HS6ST2: variants seen among roughly 807,000 people sequenced by gnomAD.
The protein encoded by HS6ST2 is heparan-sulfate 6-O-sulfotransferase 2.
Under a neutral mutation model 33.0 loss-of-function variants are expected in HS6ST2, and 17 were observed. That is an observed-to-expected ratio of 0.52 (90% CI 0.35 to 0.77). The LOEUF (loss-of-function observed/expected upper bound fraction) is 0.77. Among genes scored for constraint, HS6ST2 ranks in the 30% least tolerant of loss-of-function variants. The pLI is 0.01. For synonymous variants in HS6ST2, 248 were observed against 237.1 expected, an observed-to-expected ratio of 1.05 and a Z score of -0.42; for missense variants, 519 against 551.7, an observed-to-expected ratio of 0.94 and a Z score of 0.59.
chrX:132,820,942 C>T (rs1377361702), intron 2 of HS6ST2, among the ~76,000 whole-genome samples: 1 of 110,167 alleles, frequency 9.1e-6, no homozygotes, highest in Non-Finnish European at 1.9e-5. Context: ...CATTCAGTGT[C>T]ACCGCAAGGA....
At chrX:132,819,281 G>A (rs141862100) in intron 2 of HS6ST2, among the ~76,000 whole-genome samples, 2 of 111,474 alleles carry the variant, frequency 1.8e-5, no homozygotes, top group East Asian at 5.7e-4. Context: ...CCAATTGGAG[G>A]TATGGCATTT....
At chrX:132,949,858 G>A (rs768359558) in intron 2 of HS6ST2, among the ~76,000 whole-genome samples, 4 of 109,912 alleles carry the variant, frequency 3.6e-5, no homozygotes, top group South Asian at 4.0e-4. Flanking sequence ...GATTTCTCTC[G>A]CTCGCTCGCT....
At chrX:132,870,903 A>C (rs924270132) in intron 2 of HS6ST2, among the ~76,000 whole-genome samples, 1 of 111,883 alleles carries the variant, frequency 8.9e-6, no homozygotes, top group Non-Finnish European at 1.9e-5. Context: ...ACAAAAGCCA[A>C]AATGGACAAA....
intron 2 of HS6ST2, among the ~76,000 whole-genome samples, chrX:132,812,411 T>TAATAACAAC (rs776005215): frequency 1.4e-5 from 1 of 72,143 alleles, no homozygotes; most frequent in Non-Finnish European, 2.8e-5. Flanking sequence ...TCTCAAATAA[T>TAATAACAAC]AATAATAATA....
chrX:132,733,689 G>T (rs1298901977), intron 2 of HS6ST2, among the ~76,000 whole-genome samples: 1 of 111,250 alleles, frequency 9.0e-6, no homozygotes, highest in Non-Finnish European at 1.9e-5. Context: ...ATATTAGAAA[G>T]ATAAGATTTA....
chrX:132,676,873 A>G lies in HS6ST2; in HGVS notation c.981-7674T>C, dbSNP rs918198104. Among the ~76,000 whole-genome samples the G allele has an allele frequency of 1.6e-4, 18 of 112,231 alleles. 1 individual carries two copies. The highest frequency in any genetic ancestry group is 1.3e-4 in the Non-Finnish European group (7 of 53,280). ...CTCTACTTTCCAAACATCAAAATTC[A>G]AATCTGCTGGATAAAGTGCCCCGCT... On this transcript the variant is annotated intron_variant, in intron 3 of 4. Transcript: ENST00000370833.
At chrX:132,747,362 G>A (rs1456332171) in intron 2 of HS6ST2, among the ~76,000 whole-genome samples, 5 of 111,868 alleles carry the variant, frequency 4.5e-5, no homozygotes, top group African/African-American at 1.3e-4. Flanking sequence ...AGGAAAGCTC[G>A]CTGGAAGGGA....
chrX:132,960,726 G>A (rs971572272), upstream of HS6ST2, among the ~76,000 whole-genome samples: 1 of 111,749 alleles, frequency 8.9e-6, no homozygotes, highest in Non-Finnish European at 1.9e-5. Context: ...TTCAGTTTCT[G>A]AGATATAATA....
chrX:132,712,673 C>T (rs769456122), intron 2 of HS6ST2, among the ~76,000 whole-genome samples: 3 of 112,118 alleles, frequency 2.7e-5, no homozygotes, highest in Non-Finnish European at 1.9e-5. Flanking sequence ...CTTTCACTTA[C>T]CAACTGCATG....
chrX:132,718,904 G>C (rs764539964), intron 2 of HS6ST2, among the ~76,000 whole-genome samples: 1 of 110,875 alleles, frequency 9.0e-6, no homozygotes, highest in Non-Finnish European at 1.9e-5. Context: ...GCAGTGGGGG[G>C]TGAGGTGCTC....
intron 3 of HS6ST2, among the ~76,000 whole-genome samples, chrX:132,674,767 A>G (rs1430194035): frequency 8.9e-6 from 1 of 112,280 alleles, no homozygotes; most frequent in Non-Finnish European, 1.9e-5. Context: ...ATAGAACGGT[A>G]TCTAACAATT....
At chrX:132,733,611 T>C (rs2064479154) in intron 2 of HS6ST2, among the ~76,000 whole-genome samples, 1 of 111,432 alleles carries the variant, frequency 9.0e-6, no homozygotes, top group South Asian at 3.8e-4. Flanking sequence ...CTACTTCAAT[T>C]TGAATTCCTT....
At chrX:132,708,541 A>G (rs2064205216) in intron 2 of HS6ST2, 47 bp from the exon 3 acceptor site, 4 of 1,072,610 alleles carry the variant, frequency 3.7e-6, no homozygotes, top group Non-Finnish European at 5.1e-6. Context: ...GCTTGGTAGG[A>G]GAGGAGATAA....
At chrX:132,865,253 T>C (rs994130636) in intron 2 of HS6ST2, among the ~76,000 whole-genome samples, 3 of 108,976 alleles carry the variant, frequency 2.8e-5, no homozygotes, top group Non-Finnish European at 3.8e-5. Context: ...TTGCGGTAGT[T>C]TACTGAGAAT....
At chrX:132,742,739 A>T (rs182547984) in intron 2 of HS6ST2, among the ~76,000 whole-genome samples, 2 of 112,783 alleles carry the variant, frequency 1.8e-5, no homozygotes, top group Admixed American at 1.9e-4. Flanking sequence ...TCACACATGT[A>T]TATCTGGCTT....
At chrX:132,824,167 T>G (rs1418548236) in intron 2 of HS6ST2, among the ~76,000 whole-genome samples, 1 of 111,377 alleles carries the variant, frequency 9.0e-6, no homozygotes, top group Non-Finnish European at 1.9e-5. Flanking sequence ...AAGAAGTATC[T>G]GCACTGCATC....
chrX:132,855,168 C>T (rs188051364), intron 2 of HS6ST2, among the ~76,000 whole-genome samples: 18 of 111,964 alleles, frequency 1.6e-4, no homozygotes, highest in Admixed American at 1.3e-3. Context: ...AGAACCTCTT[C>T]GATAGCTCTT....
chrX:132,689,835 C>T (rs970854783), intron 3 of HS6ST2, among the ~76,000 whole-genome samples: 1 of 111,364 alleles, frequency 9.0e-6, no homozygotes, highest in East Asian at 2.8e-4. Context: ...GCTTTGAATG[C>T]AGCCCAACAC....
intron 4 of HS6ST2, among the ~76,000 whole-genome samples, chrX:132,652,567 G>A (rs764189714): frequency 1.8e-5 from 2 of 111,661 alleles, no homozygotes; most frequent in Admixed American, 1.9e-4. Flanking sequence ...ACCTTGAGGT[G>A]AAAGTATGCC....
Sources: allele counts gnomAD v4.1 joint callset (sites outside exome capture counted in the v4.1 genomes callset), GRCh38; gene constraint gnomAD v4.1.1; transcripts MANE v1.5; gene names NCBI Gene and HGNC (gene_info 2026-07-23, HGNC 2026-07-21).